The following CCSER1 variants were observed in gnomAD, a reference collection of about 807,000 sequenced individuals.
CCSER1 encodes coiled-coil serine rich protein 1.
In CCSER1, 41 loss-of-function variants were observed where a neutral mutation model predicts 82.0. The ratio of observed to expected loss-of-function variants is 0.50; its 90% CI spans 0.39 to 0.65. CCSER1 has a LOEUF of 0.65. CCSER1 is among the 30% of genes least tolerant of loss of function. The pLI is 0.00. For synonymous variants in CCSER1, 414 were observed against 383.9 expected (o/e 1.08, Z -0.92); for missense variants, 1,119 against 1,064.2 (o/e 1.05, Z -0.72).
intron 9 of CCSER1, among the ~76,000 whole-genome samples, chr4:91,020,665 A>G (rs1360159813): frequency 6.6e-6 from 1 of 152,186 alleles, no homozygotes; most frequent in Non-Finnish European, 1.5e-5. Flanking sequence ...CCGTCTCAAA[A>G]AAAAAAAAGT....
intron 10 of CCSER1, among the ~76,000 whole-genome samples, chr4:91,469,916 A>G (rs1053856732): frequency 7.9e-5 from 12 of 152,216 alleles, no homozygotes; most frequent in South Asian, 2.1e-4. Context: ...TTGCTCATTC[A>G]TAAGCTATGA....
chr4:90,376,797 C>G (rs1330102423), intron 3 of CCSER1, among the ~76,000 whole-genome samples: 1 of 152,122 alleles, frequency 6.6e-6, no homozygotes, highest in South Asian at 2.1e-4. Context: ...GTTAAAGACA[C>G]AATTCTCCAT....
intron 1 of CCSER1, among the ~76,000 whole-genome samples, chr4:90,163,102 G>A (rs867764703): frequency 4.0e-5 from 6 of 151,680 alleles, no homozygotes; most frequent in Non-Finnish European, 7.4e-5. Context: ...ACTTATTTTA[G>A]CATTATTTTA....
At chr4:90,875,455 A>G (rs1201090589) in intron 8 of CCSER1, among the ~76,000 whole-genome samples, 1 of 152,154 alleles carries the variant, frequency 6.6e-6, no homozygotes, top group Non-Finnish European at 1.5e-5. Flanking sequence ...CATCTCATCT[A>G]TTTTTAGAGA....
chr4:90,699,515 C>A (rs1026913988), intron 6 of CCSER1, among the ~76,000 whole-genome samples: 4 of 152,104 alleles, frequency 2.6e-5, no homozygotes, highest in Non-Finnish European at 5.9e-5. Flanking sequence ...AAGACAAGGT[C>A]CATGGCAGCT....
intron 1 of CCSER1, among the ~76,000 whole-genome samples, chr4:90,276,309 TTC>T (rs1727770800): frequency 1.7e-5 from 2 of 117,174 alleles, no homozygotes; most frequent in East Asian, 2.5e-4. Flanking sequence ...CTTCCTTCCT[TTC>T]TTTCTTTTTC....
chr4:90,983,348 T>C (rs149340638), intron 9 of CCSER1, among the ~76,000 whole-genome samples: 305 of 151,914 alleles, frequency 2.0e-3, no homozygotes, highest in Middle Eastern at 6.8e-3. Flanking sequence ...AATTTTTTTC[T>C]CTTTATGTAC....
chr4:91,596,821 C>T (rs1237657879), intron 10 of CCSER1, among the ~76,000 whole-genome samples: 6 of 151,804 alleles, frequency 4.0e-5, no homozygotes, highest in African/African-American at 1.5e-4. Context: ...CTGTAAGTAG[C>T]TTATCACAAA....
chr4:90,498,410 G>T (rs1359989733), intron 5 of CCSER1, among the ~76,000 whole-genome samples: 1 of 152,146 alleles, frequency 6.6e-6, no homozygotes, highest in Non-Finnish European at 1.5e-5. Flanking sequence ...AAAGATAAGT[G>T]TAGACTACTG....
intron 6 of CCSER1, among the ~76,000 whole-genome samples, chr4:90,647,475 C>A (rs1462693625): frequency 6.6e-6 from 1 of 152,082 alleles, no homozygotes; most frequent in Non-Finnish European, 1.5e-5. Flanking sequence ...GTTCTTTATA[C>A]TCTGCCATGA....
intron 7 of CCSER1, among the ~76,000 whole-genome samples, chr4:90,777,446 G>C (rs959508165): frequency 2.0e-5 from 3 of 148,640 alleles, no homozygotes; most frequent in African/African-American, 7.5e-5. Flanking sequence ...CCTTGACTTA[G>C]TTTTCTTCTG....
intron 10 of CCSER1, among the ~76,000 whole-genome samples, chr4:91,169,141 AT>A (rs1333809101): frequency 6.8e-6 from 1 of 148,030 alleles, no homozygotes; most frequent in African/African-American, 2.5e-5. Context: ...CTCCACTATT[AT>A]CCTATGACCC....
chr4:90,803,378 C>A (rs548920471), intron 7 of CCSER1, among the ~76,000 whole-genome samples: 1 of 151,708 alleles, frequency 6.6e-6, no homozygotes, highest in Non-Finnish European at 1.5e-5. Context: ...CACCCCCTGA[C>A]AGGCCTTGCT....
At chr4:91,498,121 G>A (rs1038981609) in intron 10 of CCSER1, among the ~76,000 whole-genome samples, 1 of 151,938 alleles carries the variant, frequency 6.6e-6, no homozygotes, top group Non-Finnish European at 1.5e-5. Context: ...ATAGAAAATC[G>A]ACCCAAGGTC....
intron 9 of CCSER1, among the ~76,000 whole-genome samples, chr4:91,027,823 A>C (rs139795882): frequency 1.3e-5 from 2 of 152,166 alleles, no homozygotes; most frequent in African/African-American, 4.8e-5. Context: ...GGAAAGAGTC[A>C]ATATACATGT....
intron 1 of CCSER1, among the ~76,000 whole-genome samples, chr4:90,255,788 G>A (rs1347811188): frequency 6.6e-6 from 1 of 152,142 alleles, no homozygotes. Flanking sequence ...CCAGTAGTTA[G>A]TGTACAAGTA....
chr4:91,263,482 C>T (rs1581865647), intron 10 of CCSER1, among the ~76,000 whole-genome samples: 1 of 151,942 alleles, frequency 6.6e-6, no homozygotes, highest in East Asian at 1.9e-4. Context: ...AAAATGAGCA[C>T]ACGGACTGCA....
Position 91,499,659 on chromosome 4 carries a change from C to T in CCSER1, c.2218-98913C>T, listed in dbSNP as rs193072221. 1.3e-3 allele frequency among the ~76,000 whole-genome samples: 191 copies of T among 152,004 alleles called. 1 individual carries two copies. Among genetic ancestry groups the T allele is most frequent in the African/African-American group, 4.3e-3 (180 of 41,456 alleles). ...CTCCTTTCCCCCTAATCTTTGACAGCCACTGATCCTTTTACTGTTTCTATA... is the reference window on the plus strand; with the variant it reads ...CTCCTTTCCCCCTAATCTTTGACAGTCACTGATCCTTTTACTGTTTCTATA... On this transcript the variant is annotated intron_variant, in intron 10 of 10. Coordinates refer to ENST00000509176, the MANE Select transcript of CCSER1 (RefSeq NM_001145065.2).
intron 9 of CCSER1, among the ~76,000 whole-genome samples, chr4:90,943,334 A>G (rs1246385970): frequency 1.3e-5 from 2 of 152,232 alleles, no homozygotes; most frequent in African/African-American, 4.8e-5. Context: ...TATTTCTAGT[A>G]CAATTTTTAT....
Sources: gnomAD v4.1 joint callset for allele counts (sites outside exome capture counted in the v4.1 genomes callset) on GRCh38, gnomAD v4.1.1 for gene constraint, MANE v1.5 for transcripts, NCBI Gene and HGNC (gene_info 2026-07-23, HGNC 2026-07-21) for gene names.